Variants in KDM4A observed in about 807,000 individuals in gnomAD.
KDM4A encodes the protein lysine demethylase 4A.
Under a neutral mutation model 127.1 loss-of-function variants are expected in KDM4A, and 23 were observed. The observed-to-expected ratio is 0.18, with a 90% confidence interval of 0.13 to 0.26. The LOEUF (loss-of-function observed/expected upper bound fraction) is 0.26. KDM4A is among the 10% of genes least tolerant of loss of function. KDM4A has a pLI of 1.00. For missense variants in KDM4A, 890 were observed against 1,329.1 expected (o/e 0.67, Z 5.14); for synonymous variants, 443 against 466.5 (o/e 0.95, Z 0.65).
At chr1:43,692,361 A>G (rs1164828158) in intron 16 of KDM4A, 50 bp downstream of exon 16, 12 of 1,503,978 alleles carry the variant, frequency 8.0e-6, no homozygotes, top group Non-Finnish European at 1.1e-5. Context: ...GTTCCGAAGC[A>G]CACAGTGTCT....
rs199920439 is a variant in KDM4A at position 43,683,490 on chromosome 1, T to TA, written c.1735-192dup. On this transcript the variant is annotated intron_variant, in intron 11 of 21. Transcript: ENST00000372396. ...ACTTGGGTTTTGCCCTAAATTTACA[T>TA]AATCCTGGTTCAGACTAGTTTGGTA... 3.3e-5 allele frequency among the ~76,000 whole-genome samples: 5 copies of TA among 152,364 alleles called. No homozygotes were observed. In the East Asian group the frequency reaches 9.6e-4, roughly 29 times the overall value.
At chr1:43,689,389 T>C (rs188440663) in intron 13 of KDM4A, among the ~76,000 whole-genome samples, 14 of 152,346 alleles carry the variant, frequency 9.2e-5, no homozygotes, top group Admixed American at 9.2e-4. Context: ...GTTATTCTAG[T>C]CCGTGGTTAT....
chr1:43,671,016 G>T (rs1660606498), intron 10 of KDM4A, among the ~76,000 whole-genome samples: 1 of 152,198 alleles, frequency 6.6e-6, no homozygotes, highest in African/African-American at 2.4e-5. Context: ...AACATGATTT[G>T]TGAAGTATAT....
At chr1:43,656,226 C>T (rs777815045) in intron 3 of KDM4A, among the ~76,000 whole-genome samples, 63 of 151,584 alleles carry the variant, frequency 4.2e-4, no homozygotes, top group Non-Finnish European at 7.2e-4. Context: ...AACCACCAAG[C>T]TGGTTGCTAT....
intron 11 of KDM4A, among the ~76,000 whole-genome samples, chr1:43,672,419 C>T (rs1201970017): frequency 2.6e-5 from 4 of 152,080 alleles, no homozygotes; most frequent in Non-Finnish European, 5.9e-5. Context: ...GAACTCCTGA[C>T]CTCGTGATCT....
chr1:43,662,225 G>A (rs1660398781), intron 4 of KDM4A, among the ~76,000 whole-genome samples: 1 of 148,320 alleles, frequency 6.7e-6, no homozygotes, highest in African/African-American at 2.6e-5. Context: ...CATGTTTTGC[G>A]ATTTTTTTTT....
intron 11 of KDM4A, among the ~76,000 whole-genome samples, chr1:43,683,011 G>C (rs766288138): frequency 1.6e-4 from 25 of 152,172 alleles, no homozygotes; most frequent in Non-Finnish European, 2.9e-4. Flanking sequence ...AATTACATTT[G>C]CTCTGACATT....
Position 43,691,018 on chromosome 1 carries a change from C to T in KDM4A, c.2211C>T (p.Ser737=). 1 of 1,614,230 alleles carries T rather than the reference C, an allele frequency of 6.2e-7. No homozygotes were observed. Among genetic ancestry groups the T allele is most frequent in the African/African-American group, 1.3e-5 (1 of 75,064 alleles). ...LEEDGTSILV[S]CKKCSVRVHA... Reference sequence around the variant, plus strand: ...AGGATGGCACCAGCATACTCGTTTCCTGCAAGAAGTGCAGCGTCCGGGTCC... The same window carrying T: ...AGGATGGCACCAGCATACTCGTTTCTTGCAAGAAGTGCAGCGTCCGGGTCC... The change falls in exon 14 of 22, where the codon TCC becomes TCT. Residue 737 remains serine, a synonymous_variant. Coordinates refer to ENST00000372396, the MANE Select transcript of KDM4A (RefSeq NM_014663.3).
chr1:43,672,345 C>T (rs1388311042), intron 11 of KDM4A, among the ~76,000 whole-genome samples: 2 of 151,960 alleles, frequency 1.3e-5, no homozygotes, highest in South Asian at 2.1e-4. Flanking sequence ...TGTGCCACCA[C>T]ACCCAGCTAA....
At chr1:43,700,941 T>G (rs1271549505) in intron 19 of KDM4A, among the ~76,000 whole-genome samples, 1 of 151,562 alleles carries the variant, frequency 6.6e-6, no homozygotes. Flanking sequence ...TTTTTTTTTT[T>G]GAGACAGAGT....
chr1:43,663,031 T>G lies in KDM4A; in HGVS notation c.567T>G (p.Thr189=). The G allele has an allele frequency of 6.2e-7, 1 of 1,614,222 alleles. No homozygotes were observed. The highest frequency in any genetic ancestry group is 8.5e-7 in the Non-Finnish European group (1 of 1,180,030). Residue 189 remains threonine (T), a synonymous_variant, in exon 5 of 22, where the codon ACT becomes ACG. Transcript: ENST00000372396. ...GMWKTSFAWH[T]EDMDLYSINY... ...GGAAGACATCCTTTGCTTGGCACAC[T>G]GAAGACATGGACCTCTACAGCATCA...
intron 10 of KDM4A, among the ~76,000 whole-genome samples, chr1:43,670,264 G>A (rs972904217): frequency 1.3e-5 from 2 of 152,152 alleles, no homozygotes; most frequent in Non-Finnish European, 2.9e-5. Context: ...GTGGTCTGCC[G>A]ACAGCCAGGC....
intron 19 of KDM4A, 47 bp downstream of exon 19, chr1:43,698,060 T>C: frequency 6.3e-7 from 1 of 1,586,290 alleles, no homozygotes; most frequent in Non-Finnish European, 8.6e-7. Context: ...TGGGGGGATG[T>C]TTCTAAGGTC....
Position 43,688,832 on chromosome 1 carries a change from C to G in KDM4A, c.1856-82C>G, listed in dbSNP as rs868005837. ...TGGTCCAAACCTAGGATCAGGAGTC[C>G]TAGTGGAACTCATCTGTTCTCCAGG... On this transcript the variant is annotated intron_variant, in intron 12 of 21. Coordinates refer to ENST00000372396, the MANE Select transcript of KDM4A (RefSeq NM_014663.3). The surrounding 1 kb of genome is among the most constrained non-coding windows in gnomAD (Gnocchi z 4.4). 1.5e-5 allele frequency: 19 copies of G among 1,289,986 alleles called. No individual in the cohort carries two copies. Among genetic ancestry groups the G allele is most frequent in the African/African-American group, 3.0e-5 (2 of 67,650 alleles). The allele number at this position is 1,289,986 out of a possible 1,614,324, so 79.9% of individuals were successfully genotyped here. A position where few individuals can be genotyped will look rare whatever the true frequency, so the allele number is the denominator to read the frequency against.
At chr1:43,671,190 A>C (rs539874752) in intron 10 of KDM4A, among the ~76,000 whole-genome samples, 104 of 152,322 alleles carry the variant, frequency 6.8e-4, no homozygotes, top group African/African-American at 2.4e-3. Context: ...TCAGACTTGC[A>C]TTACCTGCAG....
chr1:43,670,822 A>G (rs898147099), intron 10 of KDM4A, among the ~76,000 whole-genome samples: 2 of 151,846 alleles, frequency 1.3e-5, no homozygotes, highest in Non-Finnish European at 2.9e-5. Flanking sequence ...CAGCCTCCCA[A>G]AGTGCTGGGA....
intron 3 of KDM4A, 27 bp downstream of exon 3, chr1:43,655,793 CAT>C: frequency 6.3e-7 from 1 of 1,585,350 alleles, no homozygotes; most frequent in Non-Finnish European, 8.6e-7. Flanking sequence ...TCTTACCTGA[CAT>C]AGCACCTAGG....
chr1:43,670,220 T>C (rs1003411591), intron 10 of KDM4A, among the ~76,000 whole-genome samples: 2 of 152,292 alleles, frequency 1.3e-5, no homozygotes, highest in African/African-American at 4.8e-5. Flanking sequence ...GAGAAAGGCT[T>C]GTATCTGTCT....
chr1:43,699,175 A>G (rs1661320930), intron 19 of KDM4A, among the ~76,000 whole-genome samples: 1 of 151,018 alleles, frequency 6.6e-6, no homozygotes, highest in Non-Finnish European at 1.5e-5. Context: ...TAGCTCCTGC[A>G]ATCTCAAACT....
Sources: gnomAD v4.1 joint callset for allele counts (sites outside exome capture counted in the v4.1 genomes callset) on GRCh38, gnomAD v4.1.1 for gene constraint, Gnocchi (gnomAD v3.1) non-coding constraint, MANE v1.5 for transcripts, NCBI Gene and HGNC (gene_info 2026-07-23, HGNC 2026-07-21) for gene names.